Variants in PCDHGA8 observed in about 807,000 individuals in gnomAD.
PCDHGA8 encodes the protein protocadherin gamma subfamily A, 8.
PCDHGA8 carries 45 observed loss-of-function variants against 59.2 expected under a neutral mutation model. That is an observed-to-expected ratio of 0.76 (90% CI 0.60 to 0.98). The LOEUF is 0.98. PCDHGA8 is among the 50% of genes least tolerant of loss of function. PCDHGA8 has a pLI of 0.00. For missense variants in PCDHGA8, 1,257 were observed against 1,196.2 expected (o/e 1.05, Z -0.75); for synonymous variants, 531 against 519.0 (o/e 1.02, Z -0.32).
At chr5:141,412,198 G>T (rs1248911071) in intron 1 of PCDHGA8, 1 of 152,180 alleles carries the variant, frequency 6.6e-6, no homozygotes, top group African/African-American at 2.4e-5. Flanking sequence ...ATGAAAACAG[G>T]TCATTTGACA....
chr5:141,491,199 C>T lies in PCDHGA8; in HGVS notation c.2425-3608C>T. ...TGGTCCTGGTGAGGGACAATGGTGA[C>T]CCTTCACTCTCCTCCACAGCCACAG... On this transcript the variant is annotated intron_variant, in intron 1 of 3. Coordinates refer to ENST00000398604, the MANE Select transcript of PCDHGA8 (RefSeq NM_032088.2). The surrounding 1 kb of genome is among the most constrained non-coding windows in gnomAD (Gnocchi z 6.9). 1 of 1,614,190 alleles carries T rather than the reference C, an allele frequency of 6.2e-7. No homozygotes were observed. Among genetic ancestry groups the T allele is most frequent in the South Asian group, 1.1e-5 (1 of 91,086 alleles).
rs2099412065 is a variant in PCDHGA8, at chr5:141,477,502, C to T, written c.2425-17305C>T. On this transcript the variant is annotated intron_variant, in intron 1 of 3. Coordinates refer to ENST00000398604, the MANE Select transcript of PCDHGA8 (RefSeq NM_032088.2). This position sits in a 1 kb window ranked among gnomAD's most constrained non-coding sequence, Gnocchi z 4.9. ...CTCCACAATCTTCTCAATCTTCCTACGACGTTTACATTGAAGAAAACAACC... is the reference window on the plus strand; with the variant it reads ...CTCCACAATCTTCTCAATCTTCCTATGACGTTTACATTGAAGAAAACAACC... 2 of 1,614,144 alleles carry T rather than the reference C, an allele frequency of 1.2e-6. No homozygotes were observed. Among genetic ancestry groups the T allele is most frequent in the Non-Finnish European group, 1.7e-6 (2 of 1,180,018 alleles).
At chr5:141,510,447 C>T (rs1270073364) in intron 3 of PCDHGA8, among the ~76,000 whole-genome samples, 1 of 152,026 alleles carries the variant, frequency 6.6e-6, no homozygotes, top group Non-Finnish European at 1.5e-5. Flanking sequence ...CTCCAGGAGC[C>T]CATGGTCTAG....
At position 141,431,392 on chromosome 5, in the gene PCDHGA8, C is replaced by T. The variant is rs572129534; in HGVS notation, c.2424+36155C>T. 3 of 1,613,888 alleles carry T rather than the reference C, an allele frequency of 1.9e-6. No homozygotes were observed. Among genetic ancestry groups the T allele is most frequent in the Non-Finnish European group, 2.5e-6 (3 of 1,180,048 alleles). On this transcript the variant is annotated intron_variant, in intron 1 of 3. Transcript: ENST00000398604. The surrounding 1 kb of genome is among the most constrained non-coding windows in gnomAD (Gnocchi z 4.8). ...AAGAAAAGGCTGCTCACCACCTGGT[C>T]CTTACGGCCTCCGACGGGGGCGACC... is the stretch of plus-strand genomic sequence containing the variant.
intron 1 of PCDHGA8, among the ~76,000 whole-genome samples, chr5:141,444,770 C>A (rs1382748105): frequency 2.6e-5 from 4 of 152,078 alleles, no homozygotes; most frequent in African/African-American, 9.7e-5. Context: ...TTTCTATATT[C>A]TTGATCATGT....
chr5:141,466,344 T>G (rs1036472951), intron 1 of PCDHGA8, among the ~76,000 whole-genome samples: 5 of 152,106 alleles, frequency 3.3e-5, no homozygotes, highest in African/African-American at 4.8e-5. Flanking sequence ...ATAATTTTTT[T>G]GCAGCTAATC....
rs1271916110 is a variant in PCDHGA8, at chr5:141,394,787, C to T, written c.1974C>T (p.Val658=). 11 of 1,613,632 alleles carry T rather than the reference C, an allele frequency of 6.8e-6. 1 individual carries two copies. The highest frequency in any genetic ancestry group is 9.3e-6 in the Non-Finnish European group (11 of 1,180,016). The change falls in exon 1 of 4, where the codon GTC becomes GTT. Residue 658 remains valine (V), a synonymous_variant. Transcript: ENST00000398604. ...GCCAGCCCCCTCTCTCCGCCACTGT[C>T]ACGCTCACCGTAGCCGTGGCTGACA... is the stretch of plus-strand genomic sequence containing the variant. ...DHGQPPLSAT[V]TLTVAVADSI...
rs776657082 is a variant in PCDHGA8, at chr5:141,432,778, G to A, written c.2424+37541G>A. On this transcript the variant is annotated intron_variant, in intron 1 of 3. Coordinates refer to ENST00000398604, the MANE Select transcript of PCDHGA8 (RefSeq NM_032088.2). The surrounding 1 kb of genome is among the most constrained non-coding windows in gnomAD (Gnocchi z 6.0). ...CCGACAGCATCCCCCAAGTCCTGGC[G>A]GACCTCGGCAGCCTCGAGTCTCCAG... 6.2e-7 allele frequency: 1 copy of A among 1,614,166 alleles called. No homozygotes were observed. Among genetic ancestry groups the A allele is most frequent in the Non-Finnish European group, 8.5e-7 (1 of 1,180,002 alleles).
Position 141,395,097 on chromosome 5 carries a change from G to C in PCDHGA8, c.2284G>C (p.Asp762His), listed in dbSNP as rs376460647. The C allele has an allele frequency of 1.9e-6, 3 of 1,614,158 alleles. No homozygotes were observed. Among genetic ancestry groups the C allele is most frequent in the Non-Finnish European group, 2.5e-6 (3 of 1,180,030 alleles). ...TYSQEVSLTA[D>H]SRKSHLIFPQ... ...TTCCCAGGAAGTCTCCCTCACCGCC[G>C]ACTCGCGGAAGAGTCACCTGATCTT... Residue 762 changes from aspartate (D) to histidine (H), a missense_variant, in exon 1 of 4, where the codon GAC becomes CAC. Coordinates refer to ENST00000398604, the MANE Select transcript of PCDHGA8 (RefSeq NM_032088.2).
intron 1 of PCDHGA8, chr5:141,413,663 A>T: frequency 6.2e-7 from 1 of 1,613,844 alleles, no homozygotes; most frequent in Non-Finnish European, 8.5e-7. Flanking sequence ...GAAGCTATTG[A>T]TCCGGATGTG....
chr5:141,461,258 A>G lies in PCDHGA8; in HGVS notation c.2425-33549A>G, dbSNP rs2099011921. Among the ~76,000 whole-genome samples, 4 of 152,104 alleles carry G rather than the reference A, an allele frequency of 2.6e-5. No individual in the cohort carries two copies. In the South Asian group the frequency reaches 8.3e-4, roughly 31 times the overall value. The stretch of plus-strand genomic sequence containing the variant: ...GTACTAATTTATATTCCCAGCAGCA[A>G]TGTGTAAGTGTTCTCTTTTCCCCAC... On this transcript the variant is annotated intron_variant, in intron 1 of 3. Transcript: ENST00000398604.
chr5:141,408,655 A>G (rs778418746), intron 1 of PCDHGA8: 1 of 1,613,928 alleles, frequency 6.2e-7, no homozygotes, highest in African/African-American at 1.3e-5. Flanking sequence ...CTGGTACACG[A>G]CTATCGCTTG....
intron 1 of PCDHGA8, among the ~76,000 whole-genome samples, chr5:141,458,695 G>A (rs551105765): frequency 2.0e-5 from 3 of 151,852 alleles, no homozygotes; most frequent in Non-Finnish European, 2.9e-5. Context: ...TCAGCCTCCC[G>A]AGTAGCTGGG....
In PCDHGA8 at chr5:141,477,670, A is replaced by G; in HGVS notation, c.2425-17137A>G. 1 of 1,614,198 alleles carries G rather than the reference A, an allele frequency of 6.2e-7. No individual in the cohort carries two copies. The highest frequency in any genetic ancestry group is 1.7e-5 in the Admixed American group (1 of 60,028). ...TCACAATAAATCGTGACAATGGCAT[A>G]GTGTCATCCTTAGTGCCCCTAGACT... On this transcript the variant is annotated intron_variant, in intron 1 of 3. Coordinates refer to ENST00000398604, the MANE Select transcript of PCDHGA8 (RefSeq NM_032088.2). This position sits in a 1 kb window ranked among gnomAD's most constrained non-coding sequence, Gnocchi z 4.9.
intron 1 of PCDHGA8, chr5:141,418,385 G>A (rs759618059): frequency 8.7e-6 from 14 of 1,613,930 alleles, no homozygotes; most frequent in Admixed American, 1.7e-5. Flanking sequence ...AAGTCCTAAC[G>A]AGTATTTCTC....
At chr5:141,484,315 C>T (rs1172379949) in intron 1 of PCDHGA8, among the ~76,000 whole-genome samples, 2 of 152,326 alleles carry the variant, frequency 1.3e-5, no homozygotes, top group African/African-American at 4.8e-5. Context: ...ACCCCGCTTC[C>T]ATACTGTCCT....
intron 1 of PCDHGA8, chr5:141,402,829 T>C: frequency 7.5e-7 from 1 of 1,342,036 alleles, no homozygotes; most frequent in Non-Finnish European, 9.8e-7. Flanking sequence ...GCTCCCAGGC[T>C]GCAGCAAAAC....
chr5:141,435,409 G>A (rs1387678336), intron 1 of PCDHGA8, among the ~76,000 whole-genome samples: 1 of 152,066 alleles, frequency 6.6e-6, no homozygotes, highest in African/African-American at 2.4e-5. Context: ...AAATGGTAAA[G>A]ACTATTTTTC....
intron 1 of PCDHGA8, among the ~76,000 whole-genome samples, chr5:141,439,398 T>C (rs2098110369): frequency 6.6e-6 from 1 of 152,212 alleles, no homozygotes; most frequent in Admixed American, 6.5e-5. Context: ...TTCGACTTCA[T>C]GTGCTAACAT....
Sources: allele counts gnomAD v4.1 joint callset (sites outside exome capture counted in the v4.1 genomes callset), GRCh38; gene constraint gnomAD v4.1.1; non-coding constraint Gnocchi (gnomAD v3.1); transcripts MANE v1.5; gene names NCBI Gene and HGNC (gene_info 2026-07-23, HGNC 2026-07-21).